CEP104: variants seen among roughly 807,000 people sequenced by gnomAD.
The protein encoded by CEP104 is centrosomal protein 104, also known as centrosomal protein of 104 kDa.
Under a neutral mutation model 113.3 loss-of-function variants are expected in CEP104, and 84 were observed. The ratio of observed to expected loss-of-function variants is 0.74; its 90% CI spans 0.62 to 0.89. The LOEUF (loss-of-function observed/expected upper bound fraction) is 0.89, where lower values mean the gene tolerates loss of function less well. Ranked by LOEUF, CEP104 falls within the 40% of genes least tolerant of loss-of-function variation. The pLI is 0.00. For missense variants in CEP104, 1,053 were observed against 1,156.6 expected (o/e 0.91, Z 1.30); for synonymous variants, 378 against 421.7 (o/e 0.90, Z 1.27).
intron 1 of CEP104, 118 bp downstream of exon 1, chr1:3,856,771 C>G (rs898335991): frequency 6.6e-6 from 1 of 152,070 alleles, no homozygotes; most frequent in African/African-American, 2.4e-5. Flanking sequence ...ACCGCGCACC[C>G]AGGCTTCGTA....
chr1:3,813,326 A>G lies in CEP104; in HGVS notation c.*2076T>C, dbSNP rs1456222686. 6.6e-6 allele frequency: 1 copy of G among 151,218 alleles called. No homozygotes were observed. Among genetic ancestry groups the G allele is most frequent in the Non-Finnish European group, 1.5e-5 (1 of 67,878 alleles). The allele number at this position is 151,218 out of a possible 1,614,324, so 9.4% of individuals were successfully genotyped here. ...AGTGCAATGGCATGATGTGGGCTCA[A>G]TGCAACCTCCACCTCCCGGGTTCAA... On this transcript the variant is annotated 3_prime_UTR_variant, in exon 22 of 22. Transcript: ENST00000378230.
At chr1:3,816,889 C>G (rs1036586035) in intron 20 of CEP104, among the ~76,000 whole-genome samples, 1 of 152,256 alleles carries the variant, frequency 6.6e-6, no homozygotes, top group African/African-American at 2.4e-5. Context: ...GGGCAGCCAG[C>G]TTCTTTCCTT....
intron 12 of CEP104, among the ~76,000 whole-genome samples, 161 bp from the exon 13 acceptor site, chr1:3,831,383 T>A (rs1252581748): frequency 6.6e-6 from 1 of 152,218 alleles, no homozygotes; most frequent in African/African-American, 2.4e-5. Flanking sequence ...AAGCTTGTAT[T>A]TCTATTTAAA....
intron 6 of CEP104, among the ~76,000 whole-genome samples, chr1:3,843,502 C>T (rs1394053926): frequency 2.7e-5 from 4 of 150,826 alleles, no homozygotes; most frequent in African/African-American, 9.8e-5. Flanking sequence ...CAAGCGTGCA[C>T]CACCATGCCC....
rs1373831607 is a variant in CEP104, at chr1:3,836,669, C to T, written c.1143G>A (p.Glu381=). 1 of 1,613,748 alleles carries T rather than the reference C, an allele frequency of 6.2e-7. No homozygotes were observed. The highest frequency in any genetic ancestry group is 2.2e-5 in the East Asian group (1 of 44,880). Residue 381 remains glutamate, a synonymous_variant, in exon 10 of 22, where the codon GAG becomes GAA. Transcript: ENST00000378230. ...GCTTACGAATAGCTGGAAGAGGCCG[C>T]TCATCGTAGGGCAGGGACTCTGCCT... The part of the protein sequence containing the change: ...KINAESLPYD[E]RPLPAIRKHY...
intron 12 of CEP104, among the ~76,000 whole-genome samples, chr1:3,833,102 T>C (rs1408961657): frequency 6.6e-6 from 1 of 151,448 alleles, no homozygotes; most frequent in East Asian, 2.0e-4. Flanking sequence ...TGCCTCAGCC[T>C]CCCAAGTAGC....
rs1381525733 is a variant in CEP104 at position 3,820,766 on chromosome 1, G to C, written c.2571+2408C>G. ...CAGATGTGGTCAGGACAAGAACTGGGAACAGATCTAATTTCCAGTGGCATC... is the reference window on the plus strand; with the variant it reads ...CAGATGTGGTCAGGACAAGAACTGGCAACAGATCTAATTTCCAGTGGCATC... On this transcript the variant is annotated intron_variant, in intron 20 of 21. Transcript: ENST00000378230. Among the ~76,000 whole-genome samples, 4 of 152,184 alleles carry C rather than the reference G, an allele frequency of 2.6e-5. No homozygotes were observed. The East Asian group carries it at 7.7e-4, about 29-fold the overall frequency.
intron 9 of CEP104, chr1:3,837,039 A>C (rs1644327952): frequency 1.9e-6 from 1 of 528,516 alleles, no homozygotes; most frequent in Non-Finnish European, 3.3e-6. Flanking sequence ...AAGATCTCTG[A>C]TATTTTCTTA....
chr1:3,836,800 G>A, intron 9 of CEP104, 108 bp from the exon 10 acceptor site: 1 of 873,772 alleles, frequency 1.1e-6, no homozygotes, highest in Admixed American at 2.5e-5. Context: ...TGATCTGAAA[G>A]ATGTTATTTT....
chr1:3,830,857 C>T (rs1644191784), intron 13 of CEP104, among the ~76,000 whole-genome samples, 189 bp downstream of exon 13: 1 of 151,976 alleles, frequency 6.6e-6, no homozygotes, highest in African/African-American at 2.4e-5. Context: ...ACACACCATG[C>T]ACCACCGAGT....
At position 3,857,024 on chromosome 1, in the gene CEP104, C is replaced by G. The variant is rs7542369; in HGVS notation, c.-150G>C. On this transcript the variant is annotated 5_prime_UTR_variant, in exon 1 of 22. Transcript: ENST00000378230. ...CCGGACCCCAGGGGCGTGCGGGACCCGGCTCTCGTGGACTTCCTCGGCAGC... is the reference window on the plus strand; with the variant it reads ...CCGGACCCCAGGGGCGTGCGGGACCGGGCTCTCGTGGACTTCCTCGGCAGC... The G allele has an allele frequency of 0.37, 55,633 of 151,868 alleles. 10,750 individuals carry two copies. Among genetic ancestry groups the G allele is most frequent in the Admixed American group, 0.46 (6,963 of 15,282 alleles). 9.4% of individuals were successfully genotyped at this position (151,868 alleles called of 1,614,324 possible).
intron 21 of CEP104, among the ~76,000 whole-genome samples, 184 bp from the exon 22 acceptor site, chr1:3,815,701 T>G (rs1315009398): frequency 2.0e-5 from 3 of 151,960 alleles, no homozygotes; most frequent in African/African-American, 7.2e-5. Context: ...TTTTTTTTTT[T>G]TTGTTGAGAC....
chr1:3,838,216 G>C (rs1644351005), intron 8 of CEP104, among the ~76,000 whole-genome samples: 1 of 152,150 alleles, frequency 6.6e-6, no homozygotes, highest in South Asian at 2.1e-4. Flanking sequence ...GCAGTGGTGC[G>C]ATCGTAGCTC....
At chr1:3,824,710 CA>C (rs2124644809) in intron 18 of CEP104, among the ~76,000 whole-genome samples, 1 of 151,890 alleles carries the variant, frequency 6.6e-6, no homozygotes, top group South Asian at 2.1e-4. Context: ...GGCCTGCAGA[CA>C]AAAGGACAGG....
intron 2 of CEP104, among the ~76,000 whole-genome samples, chr1:3,850,975 G>T (rs2124697770): frequency 6.6e-6 from 1 of 152,344 alleles, no homozygotes; most frequent in African/African-American, 2.4e-5. Flanking sequence ...CTCTGCAGAG[G>T]GATGCTCCTG....
At chr1:3,820,893 C>A (rs1643959487) in intron 20 of CEP104, among the ~76,000 whole-genome samples, 1 of 152,166 alleles carries the variant, frequency 6.6e-6, no homozygotes, top group Admixed American at 6.5e-5. Context: ...GTCTCCTGGG[C>A]CTTTGGAAAC....
chr1:3,823,589 A>G lies in CEP104; in HGVS notation c.2365-27T>C, dbSNP rs1455005048. On this transcript the variant is annotated intron_variant, in intron 18 of 21. Coordinates refer to ENST00000378230, the MANE Select transcript of CEP104 (RefSeq NM_014704.4). The surrounding 1 kb of genome is among the most constrained non-coding windows in gnomAD (Gnocchi z 4.1). ...TGGATTTCGAAATACAGAGCAAAGCATGTTGCTGAGAAAGCGGCAGCGCCC... is the reference window on the plus strand; with the variant it reads ...TGGATTTCGAAATACAGAGCAAAGCGTGTTGCTGAGAAAGCGGCAGCGCCC... The G allele has an allele frequency of 1.1e-5, 18 of 1,613,960 alleles. No individual in the cohort carries two copies. The highest frequency in any genetic ancestry group is 1.5e-5 in the Non-Finnish European group (18 of 1,179,894).
chr1:3,844,022 A>G (rs960993492), intron 6 of CEP104, among the ~76,000 whole-genome samples: 2 of 152,130 alleles, frequency 1.3e-5, no homozygotes, highest in African/African-American at 4.8e-5. Flanking sequence ...TGGCCTCCCA[A>G]AGTGCTGGGA....
intron 15 of CEP104, 145 bp from the exon 16 acceptor site, chr1:3,826,889 G>GT: frequency 1.2e-6 from 1 of 828,674 alleles, no homozygotes; most frequent in Non-Finnish European, 2.0e-6. Context: ...GCTCATGCCC[G>GT]TAATCCCAGC....
Sources: allele counts gnomAD v4.1 joint callset (sites outside exome capture counted in the v4.1 genomes callset), GRCh38; gene constraint gnomAD v4.1.1; non-coding constraint Gnocchi (gnomAD v3.1); transcripts MANE v1.5; gene names NCBI Gene and HGNC (gene_info 2026-07-23, HGNC 2026-07-21).